The following RANBP10 variants were observed in gnomAD, a reference collection of about 807,000 sequenced individuals.
RANBP10 encodes the protein ran-binding protein 10.
A neutral mutation model predicts 72.8 loss-of-function variants in RANBP10; 24 were observed. The observed-to-expected ratio is 0.33, with a 90% confidence interval of 0.24 to 0.46. The LOEUF is 0.46. Among genes scored for constraint, RANBP10 ranks in the 20% least tolerant of loss-of-function variants. The pLI is 1.00. For missense variants in RANBP10, 679 were observed against 817.5 expected, an observed-to-expected ratio of 0.83 and a Z score of 2.07; for synonymous variants, 310 against 322.3, an observed-to-expected ratio of 0.96 and a Z score of 0.41.
intron 2 of RANBP10, among the ~76,000 whole-genome samples, chr16:67,784,866 G>T (rs928080268): frequency 2.0e-5 from 3 of 151,240 alleles, no homozygotes; most frequent in Non-Finnish European, 4.4e-5. Context: ...CTAAATATAA[G>T]AGGTAAGGCC....
chr16:67,725,347 G>A lies in RANBP10; in HGVS notation c.*1081C>T, dbSNP rs1183285707. On this transcript the variant is annotated 3_prime_UTR_variant, in exon 14 of 14. Transcript: ENST00000317506. ...CATTCTCTCAGAGCTGTGCAGAGAT[G>A]GTGAAGATCTAGGCAGGAAGAAAGC... 6.6e-6 allele frequency: 1 copy of A among 152,462 alleles called. No homozygotes were observed. The highest frequency in any genetic ancestry group is 2.4e-5 in the African/African-American group (1 of 41,454). The allele number at this position is 152,462 out of a possible 1,614,324, so 9.4% of individuals were successfully genotyped here. A position where few individuals can be genotyped will look rare whatever the true frequency, so the allele number is the denominator to read the frequency against.
At chr16:67,769,215 G>A (rs1039856821) in intron 3 of RANBP10, among the ~76,000 whole-genome samples, 4 of 151,962 alleles carry the variant, frequency 2.6e-5, no homozygotes, top group African/African-American at 9.7e-5. Context: ...GCCGAGATGG[G>A]TGGACTGCTT....
chr16:67,728,023 C>G, intron 11 of RANBP10, 127 bp from the exon 12 acceptor site: 1 of 988,040 alleles, frequency 1.0e-6, no homozygotes, highest in Non-Finnish European at 1.5e-6. Context: ...CTGGGAGGAA[C>G]AGGTGAGGCA....
Position 67,755,545 on chromosome 16 carries a change from A to G in RANBP10, c.401-11090T>C, listed in dbSNP as rs146969892. Among the ~76,000 whole-genome samples the G allele has an allele frequency of 2.8e-3, 428 of 152,226 alleles. 1 individual carries two copies. The highest frequency in any genetic ancestry group is 9.8e-3 in the African/African-American group (407 of 41,566). On this transcript the variant is annotated intron_variant, in intron 3 of 13. Coordinates refer to ENST00000317506, the MANE Select transcript of RANBP10 (RefSeq NM_020850.3). The stretch of plus-strand genomic sequence containing the variant: ...CTAAACATACAAAAATTAGCCGGGC[A>G]TTGTGGTACATGCCTGTAATCCCAG...
chr16:67,738,433 C>G (rs1299008842), intron 4 of RANBP10, among the ~76,000 whole-genome samples: 1 of 151,696 alleles, frequency 6.6e-6, no homozygotes, highest in African/African-American at 2.4e-5. Flanking sequence ...CTACTGTGTC[C>G]AGCTGGGAAG....
At chr16:67,774,731 G>A (rs2054668484) in intron 2 of RANBP10, among the ~76,000 whole-genome samples, 2 of 152,122 alleles carry the variant, frequency 1.3e-5, no homozygotes, top group African/African-American at 2.4e-5. Context: ...GGTTCAAGGC[G>A]AATAAGCCCC....
At position 67,726,357 on chromosome 16, in the gene RANBP10, C is replaced by T. The variant is rs2053598935; in HGVS notation, c.*71G>A. 2 of 1,598,476 alleles carry T rather than the reference C, an allele frequency of 1.3e-6. No homozygotes were observed. The highest frequency in any genetic ancestry group is 3.4e-5 in the Admixed American group (2 of 58,760). On this transcript the variant is annotated 3_prime_UTR_variant, in exon 14 of 14. Coordinates refer to ENST00000317506, the MANE Select transcript of RANBP10 (RefSeq NM_020850.3). ...GGTTTCCCAGTCCCTGCACCAGTTGCCTATGGAGGGCAGGGCAGCTCCAGC... is the reference window on the plus strand; with the variant it reads ...GGTTTCCCAGTCCCTGCACCAGTTGTCTATGGAGGGCAGGGCAGCTCCAGC...
intron 4 of RANBP10, among the ~76,000 whole-genome samples, chr16:67,740,583 C>G (rs2053950272): frequency 6.6e-6 from 1 of 152,132 alleles, no homozygotes. Context: ...TCCCAGAAAC[C>G]TGGCCGGAAT....
intron 6 of RANBP10, among the ~76,000 whole-genome samples, chr16:67,733,336 G>A (rs1167889847): frequency 1.3e-5 from 2 of 152,040 alleles, no homozygotes; most frequent in South Asian, 2.1e-4. Context: ...ACTGCACTCC[G>A]CCTGGGCAAT....
At chr16:67,745,483 C>T (rs1337878441) in intron 3 of RANBP10, among the ~76,000 whole-genome samples, 2 of 151,276 alleles carry the variant, frequency 1.3e-5, no homozygotes, top group Non-Finnish European at 2.9e-5. Context: ...TACAGGTGTG[C>T]GCCACCATGC....
chr16:67,771,439 G>A (rs528647529), intron 3 of RANBP10, among the ~76,000 whole-genome samples: 2 of 151,852 alleles, frequency 1.3e-5, no homozygotes, highest in Middle Eastern at 3.4e-3. Context: ...TCCACCTCCC[G>A]GGTTCAAGCG....
intron 3 of RANBP10, among the ~76,000 whole-genome samples, chr16:67,745,113 A>G (rs1354003764): frequency 6.6e-6 from 1 of 151,770 alleles, no homozygotes; most frequent in Non-Finnish European, 1.5e-5. Context: ...TACAGGAGTG[A>G]GCCACCGTGC....
At chr16:67,747,650 C>T (rs1039376707) in intron 3 of RANBP10, among the ~76,000 whole-genome samples, 1 of 151,970 alleles carries the variant, frequency 6.6e-6, no homozygotes, top group African/African-American at 2.4e-5. Flanking sequence ...ATTACAGGCA[C>T]GCGCCACTAC....
chr16:67,802,043 T>G (rs1251954318), intron 2 of RANBP10, among the ~76,000 whole-genome samples: 1 of 150,352 alleles, frequency 6.7e-6, no homozygotes, highest in Non-Finnish European at 1.5e-5. Flanking sequence ...GGCGGTGAGC[T>G]GTGATCATGC....
At chr16:67,788,784 T>C (rs1006334494) in intron 2 of RANBP10, among the ~76,000 whole-genome samples, 1 of 151,364 alleles carries the variant, frequency 6.6e-6, no homozygotes. Flanking sequence ...GCAGATCTCT[T>C]GAGGTCAGGA....
intron 3 of RANBP10, among the ~76,000 whole-genome samples, chr16:67,762,815 CCAAGTG>C (rs1331326717): frequency 6.6e-6 from 1 of 152,196 alleles, no homozygotes; most frequent in Admixed American, 6.6e-5. Flanking sequence ...ATCCCAAAGC[CCAAGTG>C]CATGATGCCA....
chr16:67,783,256 C>G (rs1355004657), intron 2 of RANBP10, among the ~76,000 whole-genome samples: 1 of 152,172 alleles, frequency 6.6e-6, no homozygotes, highest in African/African-American at 2.4e-5. Flanking sequence ...CCCAGGCAGG[C>G]CTGGTGGTGG....
intron 2 of RANBP10, among the ~76,000 whole-genome samples, chr16:67,797,216 C>A (rs2055149115): frequency 6.6e-6 from 1 of 152,236 alleles, no homozygotes; most frequent in East Asian, 1.9e-4. Flanking sequence ...ACCATCAAGG[C>A]AGAAAGGCAG....
intron 3 of RANBP10, among the ~76,000 whole-genome samples, chr16:67,746,990 T>C (rs1006477577): frequency 6.6e-6 from 1 of 152,218 alleles, no homozygotes; most frequent in Non-Finnish European, 1.5e-5. Flanking sequence ...AGCCAACAAA[T>C]ATTTGCTTTA....
Sources: allele counts gnomAD v4.1 joint callset (sites outside exome capture counted in the v4.1 genomes callset), GRCh38; gene constraint gnomAD v4.1.1; transcripts MANE v1.5; gene names NCBI Gene and HGNC (gene_info 2026-07-23, HGNC 2026-07-21).